Variants in LONP2 observed in about 807,000 individuals in gnomAD.
The protein encoded by LONP2 is lon protease homolog 2, peroxisomal.
Under a neutral mutation model 85.6 loss-of-function variants are expected in LONP2, and 60 were observed. The ratio of observed to expected loss-of-function variants is 0.70; its 90% CI spans 0.57 to 0.87. The LOEUF (loss-of-function observed/expected upper bound fraction) is 0.87, where lower values mean the gene tolerates loss of function less well. Ranked by LOEUF, LONP2 falls within the 40% of genes least tolerant of loss-of-function variation. The pLI, the probability that LONP2 is intolerant of heterozygous loss-of-function variation, is 0.00. For missense variants in LONP2, 860 were observed against 1,063.5 expected, an observed-to-expected ratio of 0.81 and a Z score of 2.66; for synonymous variants, 395 against 389.7, an observed-to-expected ratio of 1.01 and a Z score of -0.16.
At position 48,261,584 on chromosome 16, in the gene LONP2, A is replaced by T; in HGVS notation, c.884A>T (p.Lys295Met). 6.4e-7 allele frequency: 1 copy of T among 1,563,526 alleles called. No individual in the cohort carries two copies. The highest frequency in any genetic ancestry group is 8.7e-7 in the Non-Finnish European group (1 of 1,156,042). ...CATAAAGTCTGTGTCAAAGAGATAAAGAGGTAAATTATAAAAGGCATTTGT... is the reference window on the plus strand; with the variant it reads ...CATAAAGTCTGTGTCAAAGAGATAATGAGGTAAATTATAAAAGGCATTTGT... ...QAHKVCVKEI[K>M]RLKKMPQSMP... Residue 295 changes from lysine to methionine, a missense_variant, in exon 5 of 15, where the codon AAG becomes ATG. Physicochemically the swap from Lys to Met is moderately conservative, Grantham distance 95. Transcript: ENST00000285737.
At chr16:48,324,523 A>G (rs866709951) in intron 11 of LONP2, among the ~76,000 whole-genome samples, 11 of 152,358 alleles carry the variant, frequency 7.2e-5, no homozygotes, top group Middle Eastern at 3.4e-3. Flanking sequence ...TAATTGTTAC[A>G]TAATTACTTT....
intron 14 of LONP2, 35 bp from the exon 15 acceptor site, chr16:48,351,546 T>G (rs751507898): frequency 1.9e-6 from 3 of 1,563,024 alleles, no homozygotes; most frequent in African/African-American, 2.7e-5. Context: ...TTGAGGGTGA[T>G]CATTAACCCT....
chr16:48,321,600 A>G (rs1973266462), intron 11 of LONP2, among the ~76,000 whole-genome samples: 1 of 152,208 alleles, frequency 6.6e-6, no homozygotes, highest in African/African-American at 2.4e-5. Context: ...ACAAACCTAG[A>G]TGGTATAGCT....
intron 11 of LONP2, among the ~76,000 whole-genome samples, chr16:48,310,799 C>CA (rs148539507): frequency 0.21 from 31,604 of 152,000 alleles, 4,045 homozygotes; most frequent in African/African-American, 0.36. Context: ...GATAGAGTAT[C>CA]ACCTTTTGTT....
Position 48,356,550 on chromosome 16 carries a change from T to C in LONP2, c.*4748T>C, listed in dbSNP as rs1217544697. 1.8e-5 allele frequency: 3 copies of C among 162,192 alleles called. No individual in the cohort carries two copies. 10.0% of individuals were successfully genotyped at this position (162,192 alleles called of 1,614,324 possible). A position where few individuals can be genotyped will look rare whatever the true frequency, so the allele number is the denominator to read the frequency against. On this transcript the variant is annotated 3_prime_UTR_variant, in exon 15 of 15. Transcript: ENST00000285737. ...AAAAAAAAAGACTACAGTTAGTCATTATCCAATTTGATGATTTATGGTCCA... is the reference window on the plus strand; with the variant it reads ...AAAAAAAAAGACTACAGTTAGTCATCATCCAATTTGATGATTTATGGTCCA...
chr16:48,252,874 T>A (rs1971683375), intron 2 of LONP2, among the ~76,000 whole-genome samples: 1 of 152,238 alleles, frequency 6.6e-6, no homozygotes, highest in South Asian at 2.1e-4. Context: ...TATTTGACTC[T>A]TTAATTCTAG....
At chr16:48,303,812 G>A (rs145455246) in intron 11 of LONP2, among the ~76,000 whole-genome samples, 2 of 152,136 alleles carry the variant, frequency 1.3e-5, no homozygotes, top group Admixed American at 6.5e-5. Context: ...GAAGAACTTC[G>A]AGTCCAATAT....
At chr16:48,351,494 T>G (rs767570284) in intron 14 of LONP2, 87 bp from the exon 15 acceptor site, 62 of 1,016,738 alleles carry the variant, frequency 6.1e-5, no homozygotes, top group Non-Finnish European at 8.6e-5. Context: ...ATAGTAGTGG[T>G]TAAATTCAGT....
intron 9 of LONP2, among the ~76,000 whole-genome samples, chr16:48,298,348 TC>T (rs1216294949): frequency 6.6e-6 from 1 of 152,154 alleles, no homozygotes; most frequent in East Asian, 1.9e-4. Context: ...ACAAAGGAAA[TC>T]TATATTTATT....
At chr16:48,338,568 G>T (rs1959720405) in intron 12 of LONP2, among the ~76,000 whole-genome samples, 1 of 152,136 alleles carries the variant, frequency 6.6e-6, no homozygotes, top group African/African-American at 2.4e-5. Flanking sequence ...GAGATGAGGA[G>T]AGAGTGTTGC....
chr16:48,299,555 C>G, intron 9 of LONP2, 107 bp from the exon 10 acceptor site: 1 of 1,233,828 alleles, frequency 8.1e-7, no homozygotes. Context: ...GCACTGCAGC[C>G]TGGGCGACAG....
At chr16:48,320,461 GTAC>G (rs1182003291) in intron 11 of LONP2, among the ~76,000 whole-genome samples, 1 of 151,980 alleles carries the variant, frequency 6.6e-6, no homozygotes, top group Non-Finnish European at 1.5e-5. Context: ...TGGCTCATTG[GTAC>G]TAAGCTTCAG....
At chr16:48,319,229 A>C (rs1296380897) in intron 11 of LONP2, among the ~76,000 whole-genome samples, 2 of 151,996 alleles carry the variant, frequency 1.3e-5, no homozygotes, top group Non-Finnish European at 2.9e-5. Flanking sequence ...AAAATAGAAA[A>C]AATTAGTTGG....
chr16:48,277,222 C>T, intron 7 of LONP2, 116 bp from the exon 8 acceptor site: 1 of 892,524 alleles, frequency 1.1e-6, no homozygotes. Context: ...TACCTCTTTG[C>T]TATATTATAG....
At chr16:48,331,786 G>A (rs1231119965) in intron 11 of LONP2, among the ~76,000 whole-genome samples, 2 of 152,098 alleles carry the variant, frequency 1.3e-5, no homozygotes, top group East Asian at 3.9e-4. Context: ...GGATGGTCTC[G>A]ATCTCCTGAC....
At chr16:48,300,234 C>T (rs896970007) in intron 10 of LONP2, among the ~76,000 whole-genome samples, 2 of 152,168 alleles carry the variant, frequency 1.3e-5, no homozygotes, top group African/African-American at 2.4e-5. Flanking sequence ...TTAAGTTACT[C>T]ACTTTTCTTT....
At chr16:48,269,279 ATT>A (rs1972054669) in intron 6 of LONP2, among the ~76,000 whole-genome samples, 1 of 151,708 alleles carries the variant, frequency 6.6e-6, no homozygotes, top group Non-Finnish European at 1.5e-5. Flanking sequence ...ATATGGGAAG[ATT>A]TAGTTCCAGT....
chr16:48,298,635 G>GTGTT (rs1972729836), intron 9 of LONP2, among the ~76,000 whole-genome samples: 2 of 132,366 alleles, frequency 1.5e-5, no homozygotes, highest in Admixed American at 1.5e-4. Context: ...AGGTGTGTGT[G>GTGTT]TGTGTGTGTG....
At chr16:48,344,039 TG>T (rs1470172492) in intron 12 of LONP2, 25 of 152,250 alleles carry the variant, frequency 1.6e-4, no homozygotes, top group African/African-American at 5.1e-4. Context: ...AGGAAAGTAC[TG>T]GTGGATAAAC....
Sources: gnomAD v4.1 joint callset for allele counts (sites outside exome capture counted in the v4.1 genomes callset) on GRCh38, gnomAD v4.1.1 for gene constraint, MANE v1.5 for transcripts, NCBI Gene and HGNC (gene_info 2026-07-23, HGNC 2026-07-21) for gene names.